The following GET4 variants were observed in gnomAD, a reference collection of about 807,000 sequenced individuals.
The protein encoded by GET4 is guided entry of tail-anchored proteins factor 4.
Under a neutral mutation model 40.0 loss-of-function variants are expected in GET4, and 20 were observed. The ratio of observed to expected loss-of-function variants is 0.50; its 90% CI spans 0.35 to 0.73. The LOEUF (loss-of-function observed/expected upper bound fraction) is 0.73. GET4 is among the 30% of genes least tolerant of loss of function. The probability of loss-of-function intolerance (pLI) is 0.01; values close to 1 mark genes in which losing one functional copy is unlikely to be tolerated. For synonymous variants in GET4, 280 were observed against 194.6 expected, an observed-to-expected ratio of 1.44 and a Z score of -3.65; for missense variants, 557 against 454.0, an observed-to-expected ratio of 1.23 and a Z score of -2.06.
At position 893,914 on chromosome 7, in the gene GET4, G is replaced by A. The variant is rs1311101492; in HGVS notation, c.838G>A (p.Gly280Arg). ...TGCCTTGCAGTACCTCGACCGCATA[G>A]GACAGCTGTTCTTCGGCGTCCCGCC... Reference protein sequence around the residue: ...PMYNEYLDRIGQLFFGVPPKQ... With the variant: ...PMYNEYLDRIRQLFFGVPPKQ... The change falls in exon 8 of 9, where the codon GGA becomes AGA. Residue 280 changes from glycine to arginine, a missense_variant. Gly to Arg is a moderately radical substitution (Grantham distance 125). Transcript: ENST00000265857. 2.5e-6 allele frequency: 4 copies of A among 1,610,500 alleles called. No individual in the cohort carries two copies. Among genetic ancestry groups the A allele is most frequent in the Non-Finnish European group, 2.5e-6 (3 of 1,177,694 alleles).
intron 8 of GET4, 51 bp downstream of exon 8, chr7:894,022 G>T (rs773932456): frequency 7.8e-7 from 1 of 1,275,450 alleles, no homozygotes; most frequent in East Asian, 2.5e-5. Flanking sequence ...GTCGGTGTGG[G>T]GTCATCATCT....
In GET4 at chr7:887,433, C is replaced by T; in HGVS notation, c.380C>T (p.Ser127Phe). 1.2e-6 allele frequency: 2 copies of T among 1,604,958 alleles called. No individual in the cohort carries two copies. The highest frequency in any genetic ancestry group is 1.1e-5 in the South Asian group (1 of 90,242). ...TCTCCTGAGCGCGTGACCTTTGTGT[C>T]CAGAGCCCTGAAGTGGTCCAGTGGG... ...PNSPERVTFV[S>F]RALKWSSGGS... Residue 127 changes from serine (S) to phenylalanine (F), a missense_variant, in exon 4 of 9, where the codon TCC (serine) becomes TTC (phenylalanine). Ser to Phe is a radical substitution (Grantham distance 155). Transcript: ENST00000265857.
intron 4 of GET4, among the ~76,000 whole-genome samples, chr7:889,015 C>T (rs1021168591): frequency 4.6e-5 from 7 of 152,256 alleles, no homozygotes; most frequent in African/African-American, 7.2e-5. Flanking sequence ...ACAGGTGATG[C>T]CCATGCCCAG....
chr7:882,007 T>G (rs1881115), intron 1 of GET4: 1 of 152,110 alleles, frequency 6.6e-6, no homozygotes, highest in Non-Finnish European at 1.5e-5. Context: ...GGCATGATCT[T>G]GTTCCTTTTT....
chr7:877,425 C>G (rs1485295964), intron 1 of GET4, among the ~76,000 whole-genome samples: 1 of 120,158 alleles, frequency 8.3e-6, no homozygotes, highest in Non-Finnish European at 1.8e-5. Flanking sequence ...CCCGGCCTCC[C>G]CCTGCCCTCA....
At chr7:878,323 G>C (rs1268275463) in intron 1 of GET4, 1 of 470,962 alleles carries the variant, frequency 2.1e-6, no homozygotes, top group Non-Finnish European at 4.4e-6. Context: ...ATGTTCAGTT[G>C]TTCTGTGTGT....
rs562402525 is a variant in GET4 at position 895,545 on chromosome 7, C to T, written c.*123C>T. On this transcript the variant is annotated 3_prime_UTR_variant, in exon 9 of 9. Coordinates refer to ENST00000265857, the MANE Select transcript of GET4 (RefSeq NM_015949.3). ...CCTGAGGCTGGCGGTGGCCGCATGC[C>T]GGCGCGTGTCTGTTTCTGTGCGGCG... 2.8e-3 allele frequency: 1,507 copies of T among 540,016 alleles called. 12 individuals carry two copies. The highest frequency in any genetic ancestry group is 7.8e-3 in the South Asian group (328 of 42,022). 33.5% of individuals were successfully genotyped at this position (540,016 alleles called of 1,614,324 possible).
chr7:878,477 C>G lies in GET4; in HGVS notation c.155+1677C>G, dbSNP rs907249326. The G allele has an allele frequency of 6.3e-5, 27 of 430,734 alleles. No homozygotes were observed. In the Admixed American group the frequency reaches 6.3e-4, roughly 10 times the overall value. The allele number at this position is 430,734 out of a possible 1,614,324, so 26.7% of individuals were successfully genotyped here. ...CCATGGGGTACCTTCTAAACTGCCA[C>G]AGGGCCGTGAATGTTTTGATATTGT... On this transcript the variant is annotated intron_variant, in intron 1 of 8. Transcript: ENST00000265857.
intron 6 of GET4, among the ~76,000 whole-genome samples, chr7:893,443 T>TGTG (rs59977692): frequency 8.5e-6 from 1 of 117,880 alleles, no homozygotes; most frequent in Non-Finnish European, 1.7e-5. Flanking sequence ...GCAGGCATGG[T>TGTG]TGCAGGTGAG....
chr7:887,466 G>C lies in GET4; in HGVS notation c.413G>C (p.Gly138Ala). The C allele has an allele frequency of 6.3e-7, 1 of 1,590,352 alleles. No individual in the cohort carries two copies. Among genetic ancestry groups the C allele is most frequent in the South Asian group, 1.1e-5 (1 of 88,528 alleles). The stretch of plus-strand genomic sequence containing the variant: ...CTGAAGTGGTCCAGTGGGGGCTCCG[G>C]GAAGCTGGGCCACCCCCGGCTGCAC... ...RALKWSSGGS[G>A]KLGHPRLHQL... is the part of the protein sequence containing the mutation. The change falls in exon 4 of 9, where the codon GGG becomes GCG. Residue 138 changes from glycine to alanine, a missense_variant. Transcript: ENST00000265857.
chr7:888,899 C>CT (rs1489268058), intron 4 of GET4, among the ~76,000 whole-genome samples: 1 of 152,246 alleles, frequency 6.6e-6, no homozygotes, highest in African/African-American at 2.4e-5. Context: ...GAGCTGTCGT[C>CT]TGTCTTTCGG....
intron 3 of GET4, 196 bp from the exon 4 acceptor site, chr7:887,174 G>T (rs562395941): frequency 9.4e-6 from 7 of 740,898 alleles, no homozygotes; most frequent in South Asian, 7.1e-5. Flanking sequence ...TTCCTTCCTC[G>T]CTGTGCTCTG....
intron 1 of GET4, chr7:882,475 T>C (rs985766798): frequency 6.6e-6 from 1 of 152,412 alleles, no homozygotes; most frequent in Non-Finnish European, 1.5e-5. Context: ...TTCATCTGGT[T>C]ACGCTAGAGA....
chr7:884,036 C>G (rs997209369), intron 1 of GET4: 26 of 1,167,518 alleles, frequency 2.2e-5, no homozygotes, highest in Non-Finnish European at 2.7e-5. Flanking sequence ...GCAGTGCCCC[C>G]CAGAGCAGGC....
chr7:888,989 C>T (rs1279873533), intron 4 of GET4, among the ~76,000 whole-genome samples: 1 of 152,266 alleles, frequency 6.6e-6, no homozygotes, highest in African/African-American at 2.4e-5. Flanking sequence ...GAGAGCCAGG[C>T]AGTGGGTGGC....
intron 2 of GET4, chr7:886,366 G>A: frequency 3.3e-6 from 2 of 608,522 alleles, no homozygotes; most frequent in Non-Finnish European, 5.9e-6. Flanking sequence ...CGTTGTGTTG[G>A]TATAAACGTC....
At chr7:880,037 T>C (rs1302203293) in intron 1 of GET4, 1 of 152,244 alleles carries the variant, frequency 6.6e-6, no homozygotes, top group African/African-American at 2.4e-5. Flanking sequence ...CCTAGGAATT[T>C]GTATATAAAT....
chr7:889,346 C>T (rs916104512), intron 4 of GET4, among the ~76,000 whole-genome samples: 3 of 152,254 alleles, frequency 2.0e-5, no homozygotes, highest in Admixed American at 1.3e-4. Flanking sequence ...AGGCTCCATA[C>T]GGGACCTGAG....
intron 1 of GET4, chr7:878,073 C>T: frequency 6.1e-6 from 2 of 328,388 alleles, no homozygotes; most frequent in East Asian, 7.8e-5. Context: ...GAAACCGCTT[C>T]TCTGTTGACG....
Sources: gnomAD v4.1 joint callset for allele counts (sites outside exome capture counted in the v4.1 genomes callset) on GRCh38, gnomAD v4.1.1 for gene constraint, MANE v1.5 for transcripts, NCBI Gene and HGNC (gene_info 2026-07-23, HGNC 2026-07-21) for gene names.